ITGA1: variants seen among roughly 807,000 people sequenced by gnomAD.
ITGA1 encodes integrin subunit alpha 1.
A neutral mutation model predicts 145.9 loss-of-function variants in ITGA1; 85 were observed. That is an observed-to-expected ratio of 0.58 (90% CI 0.49 to 0.70). ITGA1 has a LOEUF of 0.70. Ranked by LOEUF, ITGA1 falls within the 30% of genes least tolerant of loss-of-function variation. ITGA1 has a pLI of 0.00. For missense variants in ITGA1, 1,351 were observed against 1,418.7 expected (o/e 0.95, Z 0.77); for synonymous variants, 520 against 495.3 (o/e 1.05, Z -0.66).
intron 1 of ITGA1, among the ~76,000 whole-genome samples, chr5:52,793,576 T>C (rs1042020381): frequency 1.3e-5 from 2 of 152,062 alleles, no homozygotes; most frequent in African/African-American, 2.4e-5. Flanking sequence ...ATCAATAATA[T>C]ACAGTGTATG....
At chr5:52,938,291 A>G (rs184427313) in intron 24 of ITGA1, among the ~76,000 whole-genome samples, 1 of 152,276 alleles carries the variant, frequency 6.6e-6, no homozygotes, top group African/African-American at 2.4e-5. Context: ...AATAATAGCA[A>G]TATTGCACCC....
At chr5:52,932,432 T>G (rs1337119911) in intron 22 of ITGA1, 1 of 234,534 alleles carries the variant, frequency 4.3e-6, no homozygotes, top group East Asian at 8.6e-5. Context: ...GAATGCAAGT[T>G]GAAGACCCAG....
At chr5:52,864,737 C>T (rs1226757333) in intron 3 of ITGA1, 26 bp from the exon 4 acceptor site, 1 of 1,430,152 alleles carries the variant, frequency 7.0e-7, no homozygotes, top group African/African-American at 1.4e-5. Context: ...CTTTTCCTCC[C>T]TCATAAAATT....
At chr5:52,932,265 C>G (rs1274109304) in intron 22 of ITGA1, 129 bp downstream of exon 22, 1 of 599,618 alleles carries the variant, frequency 1.7e-6, no homozygotes, top group Non-Finnish European at 3.0e-6. Flanking sequence ...CTGGCCCCAC[C>G]AGAAACCTAC....
chr5:52,930,389 T>A (rs1339201444), intron 21 of ITGA1, among the ~76,000 whole-genome samples: 2 of 152,172 alleles, frequency 1.3e-5, no homozygotes, highest in South Asian at 2.1e-4. Flanking sequence ...ACTCAACAAA[T>A]ATTTATTTGA....
Position 52,925,470 on chromosome 5 carries a change from G to GT in ITGA1, c.2602dup (p.Ser868PhefsTer4), listed in dbSNP as rs1200064829. 3.1e-6 allele frequency: 5 copies of GT among 1,612,248 alleles called. No homozygotes were observed. The highest frequency in any genetic ancestry group is 4.2e-6 in the Non-Finnish European group (5 of 1,178,762). On this transcript the variant is annotated frameshift_variant, in exon 19 of 29. Coordinates refer to ENST00000282588, the MANE Select transcript of ITGA1 (RefSeq NM_181501.2). LOFTEE classifies it high-confidence loss of function. ...AATAGTGCATTATTCTCCAAATCTA[G>GT]TTTTTTCAGGAATTGAGGTAAACTT...
chr5:52,887,663 T>C (rs1233963142), intron 7 of ITGA1, 152 bp from the exon 8 acceptor site: 4 of 621,388 alleles, frequency 6.4e-6, no homozygotes, highest in Non-Finnish European at 1.1e-5. Flanking sequence ...CAAGGCTCAT[T>C]ATGCCTCCCA....
intron 1 of ITGA1, among the ~76,000 whole-genome samples, chr5:52,820,882 AG>A (rs1748869019): frequency 6.6e-6 from 1 of 152,122 alleles, no homozygotes; most frequent in African/African-American, 2.4e-5. Context: ...CCCCAATTTA[AG>A]GTTGTCTGTT....
chr5:52,879,793 A>G (rs1411738145), intron 6 of ITGA1, among the ~76,000 whole-genome samples: 1 of 152,136 alleles, frequency 6.6e-6, no homozygotes, highest in Non-Finnish European at 1.5e-5. Flanking sequence ...TATTGGGTGA[A>G]AGATAAACTC....
chr5:52,831,919 G>C (rs17211331), intron 1 of ITGA1, among the ~76,000 whole-genome samples: 18,148 of 151,982 alleles, frequency 0.12, 1,126 homozygotes, highest in Admixed American at 0.17. Flanking sequence ...AGCTTTTTGG[G>C]GAAAATAAAG....
At chr5:52,800,092 C>T in intron 1 of ITGA1, 1 of 364,698 alleles carries the variant, frequency 2.7e-6, no homozygotes. Context: ...GCGCATGCGC[C>T]TTCATTTCGT....
At chr5:52,802,098 T>C in intron 1 of ITGA1, 1 of 369,498 alleles carries the variant, frequency 2.7e-6, no homozygotes, top group Non-Finnish European at 4.9e-6. Flanking sequence ...TTATCTGTAG[T>C]ACTTGGAAAC....
chr5:52,860,409 G>A (rs539627917), intron 2 of ITGA1, among the ~76,000 whole-genome samples: 58 of 152,228 alleles, frequency 3.8e-4, no homozygotes, highest in Admixed American at 7.8e-4. Flanking sequence ...AGTCGGGCGT[G>A]GTGGCGTGCA....
At chr5:52,878,218 T>C (rs1177534963) in intron 6 of ITGA1, among the ~76,000 whole-genome samples, 1 of 152,162 alleles carries the variant, frequency 6.6e-6, no homozygotes, top group East Asian at 1.9e-4. Context: ...TCAAGTGCAG[T>C]CATCTGAAGA....
At chr5:52,832,845 T>TTTC (rs1374125238) in intron 1 of ITGA1, among the ~76,000 whole-genome samples, 1 of 149,820 alleles carries the variant, frequency 6.7e-6, no homozygotes, top group Non-Finnish European at 1.5e-5. Context: ...GAGTTTTTTT[T>TTTC]TGGTAGATTT....
At chr5:52,801,349 A>G (rs2059202) in intron 1 of ITGA1, 1,287,834 of 1,408,780 alleles carry the variant, frequency 0.91, 589,089 homozygotes, top group Middle Eastern at 0.94. Flanking sequence ...AGCCTTTGTG[A>G]GCTGATTAAT....
At chr5:52,951,752 A>G (rs542564655) in intron 28 of ITGA1, among the ~76,000 whole-genome samples, 1 of 152,062 alleles carries the variant, frequency 6.6e-6, no homozygotes, top group African/African-American at 2.4e-5. Flanking sequence ...CACATCCCTG[A>G]AAAAAAAGAT....
At chr5:52,928,369 C>T (rs866463693) in intron 20 of ITGA1, among the ~76,000 whole-genome samples, 23 of 152,164 alleles carry the variant, frequency 1.5e-4, no homozygotes, top group Admixed American at 1.5e-3. Context: ...TGGTTTAGAA[C>T]TTAATCAGAA....
In ITGA1 at chr5:52,898,214, ATTATC is replaced by A. The variant is rs1355613900; in HGVS notation, c.1165-20_1165-16del. On this transcript the variant is annotated intron_variant, in intron 10 of 28. Coordinates refer to ENST00000282588, the MANE Select transcript of ITGA1 (RefSeq NM_181501.2). ...CCCCTTATTATTTTTATTAAATATTATTATCTTATTTATTTGCATGTAAGGACTGG... is the reference window on the plus strand; with the variant it reads ...CCCCTTATTATTTTTATTAAATATTATTATTTATTTGCATGTAAGGACTGG... The A allele has an allele frequency of 5.0e-6, 7 of 1,405,658 alleles. No individual in the cohort carries two copies. Among genetic ancestry groups the A allele is most frequent in the East Asian group, 2.5e-5 (1 of 39,364 alleles). 87.1% of individuals were successfully genotyped at this position (1,405,658 alleles called of 1,614,324 possible). A position where few individuals can be genotyped will look rare whatever the true frequency, so the allele number is the denominator to read the frequency against.
Sources: allele counts gnomAD v4.1 joint callset (sites outside exome capture counted in the v4.1 genomes callset), GRCh38; gene constraint gnomAD v4.1.1; transcripts MANE v1.5; gene names NCBI Gene and HGNC (gene_info 2026-07-23, HGNC 2026-07-21).